Variants in SRGAP3 observed in about 807,000 individuals in gnomAD.
SRGAP3 encodes the protein SLIT-ROBO Rho GTPase-activating protein 3.
Under a neutral mutation model 121.1 loss-of-function variants are expected in SRGAP3, and 39 were observed. That is an observed-to-expected ratio of 0.32 (90% CI 0.25 to 0.42). SRGAP3 has a LOEUF of 0.42. SRGAP3 is among the 10% of genes least tolerant of loss of function. The pLI is 1.00. For missense variants in SRGAP3, 1,213 were observed against 1,470.6 expected (o/e 0.82, Z 2.86); for synonymous variants, 601 against 570.0 (o/e 1.05, Z -0.77).
In SRGAP3 at chr3:9,053,034, T is replaced by C; in HGVS notation, c.1316A>G (p.Tyr439Cys). 6.2e-7 allele frequency: 1 copy of C among 1,614,044 alleles called. No homozygotes were observed. Among genetic ancestry groups the C allele is most frequent in the South Asian group, 1.1e-5 (1 of 91,074 alleles). ...GCCCAGGATGCCACTTACTGTAAAA[T>C]AAAACATTTCTGTTTCCTGCTGGTT... Reference protein sequence around the residue: ...RANQQETEMFYFTKFKEYVNG... With the variant: ...RANQQETEMFCFTKFKEYVNG... The change falls in exon 9 of 22, where the codon TAT becomes TGT. Residue 439 changes from tyrosine (Y) to cysteine (C), a missense_variant. Tyr to Cys is a radical substitution (Grantham distance 194, BLOSUM62 -2). Around this residue, in one of 2 missense-constraint regions of SRGAP3, gnomAD observed 793 missense variants for 1,032.9 expected, o/e 0.77. Coordinates refer to ENST00000383836, the MANE Select transcript of SRGAP3 (RefSeq NM_014850.4).
At chr3:9,023,031 A>C (rs953903093) in intron 14 of SRGAP3, among the ~76,000 whole-genome samples, 2 of 152,196 alleles carry the variant, frequency 1.3e-5, no homozygotes, top group Non-Finnish European at 2.9e-5. Flanking sequence ...AGAAGGTAAA[A>C]AGCAGTGCTA....
chr3:9,155,222 T>G (rs1950374590), intron 1 of SRGAP3, among the ~76,000 whole-genome samples: 1 of 152,214 alleles, frequency 6.6e-6, no homozygotes, highest in African/African-American at 2.4e-5. Context: ...TTTTCAGGAT[T>G]CTTCCTAATG....
chr3:9,216,178 C>T (rs1308335586), intron 1 of SRGAP3, among the ~76,000 whole-genome samples: 1 of 152,238 alleles, frequency 6.6e-6, no homozygotes, highest in Non-Finnish European at 1.5e-5. Flanking sequence ...AGGTCATTCT[C>T]TTATGCTTTC....
chr3:9,123,327 G>A (rs1949085159), intron 2 of SRGAP3, among the ~76,000 whole-genome samples: 1 of 151,760 alleles, frequency 6.6e-6, no homozygotes, highest in Non-Finnish European at 1.5e-5. Flanking sequence ...TAAAAATGAT[G>A]AAAATGGTAA....
At chr3:9,047,587 G>T (rs772888988) in intron 9 of SRGAP3, 112 bp from the exon 10 acceptor site, 5 of 1,012,256 alleles carry the variant, frequency 4.9e-6, no homozygotes, top group African/African-American at 3.2e-5. Context: ...CACGTCACCC[G>T]CAGGGACCCC....
intron 11 of SRGAP3, chr3:9,035,173 A>C (rs1944686271): frequency 6.6e-6 from 1 of 152,250 alleles, no homozygotes; most frequent in Non-Finnish European, 1.5e-5. Flanking sequence ...ACATTAAATT[A>C]TCTGTTAAAT....
At chr3:9,138,444 G>A (rs939726049) in intron 1 of SRGAP3, among the ~76,000 whole-genome samples, 1 of 152,294 alleles carries the variant, frequency 6.6e-6, no homozygotes, top group East Asian at 1.9e-4. Context: ...AAGGGTTGAA[G>A]ACATGCTAGC....
At position 9,259,560 on chromosome 3, in the gene SRGAP3, C is replaced by T. The variant is rs529903791; in HGVS notation, n.442+66450G>A. Among the ~76,000 whole-genome samples, 19 of 152,316 alleles carry T rather than the reference C, an allele frequency of 1.2e-4. No individual in the cohort carries two copies. The South Asian group carries it at 3.9e-3, about 32-fold the overall frequency. On this transcript the variant is annotated intron_variant and non_coding_transcript_variant, in intron 3 of 3. Coordinates refer to the SRGAP3 transcript ENST00000490889. ...CTGGGCTCAAAGGATCTTCCTGCCT[C>T]GGCCTCCAAAATGTTGGGATTACAG...
rs1039610235 is a variant in SRGAP3 at position 9,213,965 on chromosome 3, C to T, written c.67+34920G>A. Among the ~76,000 whole-genome samples, 8 of 152,280 alleles carry T rather than the reference C, an allele frequency of 5.3e-5. No homozygotes were observed. The South Asian group carries it at 1.4e-3, about 28-fold the overall frequency. On this transcript the variant is annotated intron_variant, in intron 1 of 21. Coordinates refer to ENST00000383836, the MANE Select transcript of SRGAP3 (RefSeq NM_014850.4). ...TCAGCTTACAGACGTTTCCTGATTT[C>T]TCATCAGGAACCATTCCCCTCCACT... is the stretch of plus-strand genomic sequence containing the variant.
In SRGAP3 at chr3:8,982,288, A is replaced by G. The variant is rs1013188970; in HGVS notation, c.*3231T>C. 4.5e-5 allele frequency: 10 copies of G among 221,374 alleles called. No homozygotes were observed. The highest frequency in any genetic ancestry group is 9.1e-5 in the Non-Finnish European group (10 of 110,428). 13.7% of individuals were successfully genotyped at this position (221,374 alleles called of 1,614,324 possible). On this transcript the variant is annotated 3_prime_UTR_variant, in exon 22 of 22. Coordinates refer to ENST00000383836, the MANE Select transcript of SRGAP3 (RefSeq NM_014850.4). ...AAAGAAATCATTCCATGAAGCAAAG[A>G]AAAAAAAATGCCCGTTGTCAACTAA...
chr3:9,024,679 C>T (rs1298176930), intron 14 of SRGAP3, among the ~76,000 whole-genome samples: 6 of 152,228 alleles, frequency 3.9e-5, no homozygotes, highest in Non-Finnish European at 8.8e-5. Context: ...AACTAGGTCA[C>T]CTCTCCAGGG....
chr3:9,305,363 C>CTT (rs1210901472), intron 3 of SRGAP3, among the ~76,000 whole-genome samples: 79 of 96,452 alleles, frequency 8.2e-4, no homozygotes, highest in African/African-American at 1.7e-3. Flanking sequence ...GAGGTCCTCT[C>CTT]TTTTTTTTTT....
At chr3:9,269,351 G>A (rs1190977272) in intron 3 of SRGAP3, among the ~76,000 whole-genome samples, 1 of 152,146 alleles carries the variant, frequency 6.6e-6, no homozygotes, top group Middle Eastern at 3.2e-3. Context: ...GGCAAGAGAA[G>A]GGGTCCTTGT....
chr3:9,014,130 A>G, intron 15 of SRGAP3: 4 of 471,874 alleles, frequency 8.5e-6, no homozygotes, highest in South Asian at 8.3e-5. Context: ...GGGTAGAGGG[A>G]AGCCTGGAGC....
intron 1 of SRGAP3, among the ~76,000 whole-genome samples, chr3:9,227,633 G>A (rs1559226721): frequency 6.6e-6 from 1 of 152,224 alleles, no homozygotes; most frequent in African/African-American, 2.4e-5. Context: ...TACTTCTTGT[G>A]AATTGTGCTT....
chr3:9,124,871 T>A lies in SRGAP3; in HGVS notation c.114A>T (p.Gln38His). The A allele has an allele frequency of 6.2e-7, 1 of 1,614,190 alleles. No individual in the cohort carries two copies. ...LVEQFKCLEQ[Q>H]SESRLQLLQD... ...GAAGCAGCTGCAGTCGCGACTCTGA[T>A]TGCTGCTCCAGACATTTGAACTGCT... Residue 38 changes from glutamine (Q) to histidine (H), a missense_variant, in exon 2 of 22, where the codon CAA becomes CAT. Gln to His is a conservative substitution (Grantham distance 24). Transcript: ENST00000383836.
chr3:9,021,415 G>GT (rs201403229), intron 14 of SRGAP3, among the ~76,000 whole-genome samples: 533 of 151,516 alleles, frequency 3.5e-3, no homozygotes, highest in East Asian at 0.02. Flanking sequence ...TTCATGATGT[G>GT]TTTTTTTTTC....
At position 9,060,259 on chromosome 3, in the gene SRGAP3, T is replaced by C; in HGVS notation, c.773A>G (p.Tyr258Cys). ...GATCAGATCAGAGACATCATGGATG[T>C]AGTATTTGCTTATAGCTGCGTTGGT... ...AATNAAISKY[Y>C]IHDVSDLIDC... is the part of the protein sequence containing the mutation. Residue 258 changes from tyrosine (Y) to cysteine (C), a missense_variant, in exon 6 of 22, where the codon TAC becomes TGC. Coordinates refer to ENST00000383836, the MANE Select transcript of SRGAP3 (RefSeq NM_014850.4). The C allele has an allele frequency of 6.2e-7, 1 of 1,614,126 alleles. No individual in the cohort carries two copies. Among genetic ancestry groups the C allele is most frequent in the Non-Finnish European group, 8.5e-7 (1 of 1,180,014 alleles).
intron 1 of SRGAP3, among the ~76,000 whole-genome samples, chr3:9,181,406 G>A (rs114940744): frequency 0.014 from 2,158 of 152,298 alleles, 33 homozygotes; most frequent in Non-Finnish European, 0.021. Flanking sequence ...TTATCTCACC[G>A]TTCTGTAGCT....
Sources: gnomAD v4.1 joint callset for allele counts (sites outside exome capture counted in the v4.1 genomes callset) on GRCh38, gnomAD v4.1.1 for gene constraint, gnomAD v4.1.1 regional missense constraint, MANE v1.5 for transcripts, NCBI Gene and HGNC (gene_info 2026-07-23, HGNC 2026-07-21) for gene names.